The following ACSF2 variants were observed in gnomAD, a reference collection of about 807,000 sequenced individuals.
The protein encoded by ACSF2 is medium-chain acyl-CoA ligase ACSF2, mitochondrial.
In ACSF2, 52 loss-of-function variants were observed where a neutral mutation model predicts 79.3. The ratio of observed to expected loss-of-function variants is 0.66; its 90% CI spans 0.53 to 0.83. The LOEUF (loss-of-function observed/expected upper bound fraction) is 0.83. ACSF2 is among the 40% of genes least tolerant of loss of function. The probability of loss-of-function intolerance (pLI) is 0.00; values close to 1 mark genes in which losing one functional copy is unlikely to be tolerated. For synonymous variants in ACSF2, 283 were observed against 312.6 expected, an observed-to-expected ratio of 0.91 and a Z score of 1.00; for missense variants, 661 against 803.3, an observed-to-expected ratio of 0.82 and a Z score of 2.14.
At chr17:50,445,750 GT>G (rs2031257682) in intron 1 of ACSF2, among the ~76,000 whole-genome samples, 1 of 151,466 alleles carries the variant, frequency 6.6e-6, no homozygotes, top group Non-Finnish European at 1.5e-5. Flanking sequence ...GCAGTGAGCT[GT>G]GATCATGCCA....
Position 50,471,216 on chromosome 17 carries a change from C to T in ACSF2, c.1323+81C>T. The T allele has an allele frequency of 8.3e-7, 1 of 1,202,468 alleles. No individual in the cohort carries two copies. Among genetic ancestry groups the T allele is most frequent in the South Asian group, 1.2e-5 (1 of 80,742 alleles). 74.5% of individuals were successfully genotyped at this position (1,202,468 alleles called of 1,614,324 possible). Reference sequence around the variant, plus strand: ...ACCCAGCTGGGACATCGGTTGCTTTCAGTGAGAGAGTCAAATGGCTCACTC... The same window carrying T: ...ACCCAGCTGGGACATCGGTTGCTTTTAGTGAGAGAGTCAAATGGCTCACTC... On this transcript the variant is annotated intron_variant, in intron 11 of 15. Coordinates refer to ENST00000300441, the MANE Select transcript of ACSF2 (RefSeq NM_025149.6). This position sits in a 1 kb window ranked among gnomAD's most constrained non-coding sequence, Gnocchi z 4.1.
At chr17:50,467,168 C>T (rs1378982548) in intron 10 of ACSF2, among the ~76,000 whole-genome samples, 2 of 152,226 alleles carry the variant, frequency 1.3e-5, no homozygotes, top group Non-Finnish European at 2.9e-5. Context: ...GGTAGCCCCA[C>T]CTGGCCAGAC....
rs767530493 is a variant in ACSF2, at chr17:50,474,536, G to T, written c.1832G>T (p.Arg611Leu). ...QKFKLREQMERHLNL is the reference protein window; with the variant it reads ...QKFKLREQMELHLNL Reference sequence around the variant, plus strand: ...TTCAAACTTCGAGAGCAGATGGAACGACATCTAAATCTGTGAATAAAGCAG... The same window carrying T: ...TTCAAACTTCGAGAGCAGATGGAACTACATCTAAATCTGTGAATAAAGCAG... Residue 611 changes from arginine (R) to leucine (L), a missense_variant, in exon 16 of 16, where the codon CGA becomes CTA. Coordinates refer to ENST00000300441, the MANE Select transcript of ACSF2 (RefSeq NM_025149.6). This position sits in a 1 kb window ranked among gnomAD's most constrained non-coding sequence, Gnocchi z 4.2. The T allele has an allele frequency of 5.0e-6, 8 of 1,614,136 alleles. No individual in the cohort carries two copies. In the South Asian group the frequency reaches 7.7e-5, roughly 16 times the overall value.
chr17:50,467,963 C>G, intron 10 of ACSF2: 2 of 1,454,168 alleles, frequency 1.4e-6, no homozygotes, highest in Admixed American at 4.5e-5. Context: ...GGGGATGGTG[C>G]CAGCTGTGGC....
intron 1 of ACSF2, among the ~76,000 whole-genome samples, chr17:50,452,181 A>G (rs985037126): frequency 6.6e-6 from 1 of 152,138 alleles, no homozygotes; most frequent in Non-Finnish European, 1.5e-5. Context: ...CTTGGGTTTT[A>G]CAACACCCAT....
chr17:50,426,524 C>G, intron 1 of ACSF2, 135 bp downstream of exon 1: 1 of 1,122,718 alleles, frequency 8.9e-7, no homozygotes, highest in Non-Finnish European at 1.2e-6. Flanking sequence ...CCCCCGCCCC[C>G]CGCCAGCACC....
At chr17:50,427,751 A>G (rs1915131868) in intron 1 of ACSF2, among the ~76,000 whole-genome samples, 1 of 152,182 alleles carries the variant, frequency 6.6e-6, no homozygotes, top group Non-Finnish European at 1.5e-5. Flanking sequence ...TAAATAAGTA[A>G]TAAATCAGGC....
At position 50,471,255 on chromosome 17, in the gene ACSF2, C is replaced by A; in HGVS notation, c.1323+120C>A. 1.3e-6 allele frequency: 1 copy of A among 776,202 alleles called. No homozygotes were observed. Among genetic ancestry groups the A allele is most frequent in the Non-Finnish European group, 2.2e-6 (1 of 457,008 alleles). The allele number at this position is 776,202 out of a possible 1,614,324, so 48.1% of individuals were successfully genotyped here. On this transcript the variant is annotated intron_variant, in intron 11 of 15. Coordinates refer to ENST00000300441, the MANE Select transcript of ACSF2 (RefSeq NM_025149.6). The surrounding 1 kb of genome is among the most constrained non-coding windows in gnomAD (Gnocchi z 4.1). ...AATGGCTCACTCAGGATGCCTAGAGCCCCCCAGCAGCAGGGGTGTGCTAGG... is the reference window on the plus strand; with the variant it reads ...AATGGCTCACTCAGGATGCCTAGAGACCCCCAGCAGCAGGGGTGTGCTAGG...
At chr17:50,445,596 A>C (rs573898238) in intron 1 of ACSF2, among the ~76,000 whole-genome samples, 2 of 152,216 alleles carry the variant, frequency 1.3e-5, no homozygotes, top group East Asian at 3.9e-4. Flanking sequence ...GGAGGTCAAG[A>C]CTAGCCTGGG....
intron 1 of ACSF2, chr17:50,427,060 A>AGAGAGCAGGCTGCCACTCAT: frequency 6.3e-6 from 9 of 1,428,392 alleles, no homozygotes; most frequent in Non-Finnish European, 8.5e-6. Context: ...CTTGAGACAC[A>AGAGAGCAGGCTGCCACTCAT]GAGAGCAGGC....
intron 10 of ACSF2, chr17:50,465,791 G>C (rs1195735162): frequency 6.2e-7 from 1 of 1,613,908 alleles, no homozygotes; most frequent in Admixed American, 1.7e-5. Flanking sequence ...GGGGAAGTTG[G>C]AGGGTAGCTG....
intron 1 of ACSF2, among the ~76,000 whole-genome samples, chr17:50,433,946 T>C (rs919636422): frequency 2.0e-5 from 3 of 150,588 alleles, no homozygotes; most frequent in African/African-American, 4.9e-5. Context: ...CTTGAGAGAG[T>C]TTTCTAAACC....
chr17:50,469,343 T>C (rs1241930021), intron 10 of ACSF2, among the ~76,000 whole-genome samples: 1 of 152,208 alleles, frequency 6.6e-6, no homozygotes, highest in East Asian at 1.9e-4. Context: ...TGCGTCTCCC[T>C]GCGGTGGGCC....
intron 1 of ACSF2, among the ~76,000 whole-genome samples, chr17:50,458,226 A>T (rs2032130128): frequency 6.6e-6 from 1 of 152,134 alleles, no homozygotes; most frequent in Non-Finnish European, 1.5e-5. Flanking sequence ...ACTTGGGCCC[A>T]TGGGTGGAGA....
intron 1 of ACSF2, among the ~76,000 whole-genome samples, chr17:50,452,602 C>T (rs60458602): frequency 0.23 from 34,712 of 151,974 alleles, 4,218 homozygotes; most frequent in Middle Eastern, 0.38. Flanking sequence ...TTGATAGGTG[C>T]AGCAAACCAC....
At chr17:50,472,690 AC>A (rs1055984844) in intron 12 of ACSF2, 111 bp downstream of exon 12, 1 of 1,300,850 alleles carries the variant, frequency 7.7e-7, no homozygotes, top group African/African-American at 1.5e-5. Flanking sequence ...TATCAAGATG[AC>A]CCCTCACATG....
chr17:50,446,446 C>T (rs8067615), intron 1 of ACSF2, among the ~76,000 whole-genome samples: 1,552 of 152,134 alleles, frequency 0.01, 18 homozygotes, highest in African/African-American at 0.034. Context: ...TTAGTAGAGA[C>T]GGGGTTTCAC....
intron 1 of ACSF2, among the ~76,000 whole-genome samples, chr17:50,452,793 T>C (rs2031759544): frequency 6.6e-6 from 1 of 152,124 alleles, no homozygotes. Context: ...TCTTTCGAAA[T>C]GATGGGTGGG....
At chr17:50,470,836 T>C in intron 10 of ACSF2, 192 bp from the exon 11 acceptor site, 1 of 573,222 alleles carries the variant, frequency 1.7e-6, no homozygotes, top group South Asian at 2.0e-5. Context: ...CCTGCAGAGA[T>C]CTAGTCTGCT....
Sources: allele counts gnomAD v4.1 joint callset (sites outside exome capture counted in the v4.1 genomes callset), GRCh38; gene constraint gnomAD v4.1.1; non-coding constraint Gnocchi (gnomAD v3.1); transcripts MANE v1.5; gene names NCBI Gene and HGNC (gene_info 2026-07-23, HGNC 2026-07-21).